The following BACH2 variants were observed in gnomAD, a reference collection of about 807,000 sequenced individuals.
BACH2 encodes the protein BACH transcriptional regulator 2, also known as transcription regulator protein BACH2.
Under a neutral mutation model 61.8 loss-of-function variants are expected in BACH2, and 5 were observed. The ratio of observed to expected loss-of-function variants is 0.08; its 90% CI spans 0.04 to 0.17. BACH2 has a LOEUF of 0.17. BACH2 is among the 10% of genes least tolerant of loss of function. The pLI is 1.00. For missense variants in BACH2, 824 were observed against 1,091.1 expected (o/e 0.76, Z 3.45); for synonymous variants, 446 against 440.1 (o/e 1.01, Z -0.17).
At chr6:90,209,541 C>A (rs1769271367) in intron 3 of BACH2, among the ~76,000 whole-genome samples, 1 of 152,220 alleles carries the variant, frequency 6.6e-6, no homozygotes, top group South Asian at 2.1e-4. Context: ...TAGCACTTAA[C>A]TGGAAAGCTT....
chr6:90,241,826 G>C (rs970160882), intron 3 of BACH2, among the ~76,000 whole-genome samples: 3 of 151,484 alleles, frequency 2.0e-5, no homozygotes, highest in Middle Eastern at 3.2e-3. Flanking sequence ...AAAACAACTA[G>C]AGAAATAAGG....
intron 5 of BACH2, among the ~76,000 whole-genome samples, chr6:90,044,748 G>A (rs1779702538): frequency 6.6e-6 from 1 of 152,164 alleles, no homozygotes; most frequent in Non-Finnish European, 1.5e-5. Flanking sequence ...TGGGGTGAGA[G>A]AACGGAAAGA....
chr6:90,234,967 G>T (rs1770211326), intron 3 of BACH2, among the ~76,000 whole-genome samples: 1 of 152,104 alleles, frequency 6.6e-6, no homozygotes, highest in African/African-American at 2.4e-5. Flanking sequence ...CCCTTCCTTT[G>T]TGAAAAGTTG....
At chr6:89,981,977 C>CT (rs1053227520) in intron 6 of BACH2, among the ~76,000 whole-genome samples, 32 of 147,850 alleles carry the variant, frequency 2.2e-4, no homozygotes, top group South Asian at 4.3e-4. Flanking sequence ...AGATTTCTTT[C>CT]TTTTTTTTTT....
chr6:89,943,341 C>G (rs923010563), intron 7 of BACH2, among the ~76,000 whole-genome samples: 2 of 152,068 alleles, frequency 1.3e-5, no homozygotes, highest in Admixed American at 6.5e-5. Flanking sequence ...CTGCCAACAG[C>G]CACGACCATT....
At chr6:90,116,758 G>T in intron 4 of BACH2, 1 of 447,026 alleles carries the variant, frequency 2.2e-6, no homozygotes, top group Non-Finnish European at 4.2e-6. Flanking sequence ...AAGTCTTCTT[G>T]GTTAAGTAAT....
At chr6:90,040,521 ATT>A (rs555439690) in intron 5 of BACH2, among the ~76,000 whole-genome samples, 2 of 145,456 alleles carry the variant, frequency 1.4e-5, no homozygotes, top group Non-Finnish European at 1.5e-5. Context: ...GCTATTTTTG[ATT>A]TTTTTTTTTT....
intron 6 of BACH2, among the ~76,000 whole-genome samples, chr6:89,985,972 G>A (rs765430185): frequency 8.5e-5 from 13 of 152,198 alleles, no homozygotes; most frequent in South Asian, 8.3e-4. Context: ...GGAGGGATGC[G>A]GGTGTGGGCT....
At chr6:89,948,507 C>T (rs1189435708) in intron 7 of BACH2, among the ~76,000 whole-genome samples, 1 of 152,160 alleles carries the variant, frequency 6.6e-6, no homozygotes, top group Non-Finnish European at 1.5e-5. Context: ...CATGCCCGGC[C>T]CCAGGCTCCT....
At chr6:90,264,741 C>A (rs1771270095) in intron 2 of BACH2, among the ~76,000 whole-genome samples, 1 of 152,144 alleles carries the variant, frequency 6.6e-6, no homozygotes, top group South Asian at 2.1e-4. Context: ...AGAAAGCTGT[C>A]CCTTTGGGGT....
intron 4 of BACH2, among the ~76,000 whole-genome samples, chr6:90,183,827 A>C (rs1421711464): frequency 1.3e-5 from 2 of 152,232 alleles, no homozygotes; most frequent in Non-Finnish European, 2.9e-5. Context: ...CCAGGACTTC[A>C]TATCAGCCAT....
chr6:89,932,218 G>T lies in BACH2; in HGVS notation c.*190C>A. 1 of 759,218 alleles carries T rather than the reference G, an allele frequency of 1.3e-6. No homozygotes were observed. The highest frequency in any genetic ancestry group is 2.1e-6 in the Non-Finnish European group (1 of 468,570). 47.0% of individuals were successfully genotyped at this position (759,218 alleles called of 1,614,324 possible). A position where few individuals can be genotyped will look rare whatever the true frequency, so the allele number is the denominator to read the frequency against. On this transcript the variant is annotated 3_prime_UTR_variant, in exon 9 of 9. Transcript: ENST00000257749. ...TGCCTGGGCAAGGGGTAGCACCATT[G>T]TGAAGGTAACTATCACTCCTGCTCG...
chr6:90,148,400 C>T (rs1393895339), intron 4 of BACH2, among the ~76,000 whole-genome samples: 4 of 152,164 alleles, frequency 2.6e-5, no homozygotes, highest in South Asian at 2.1e-4. Flanking sequence ...GCATGCCTTT[C>T]GATCTGGTAA....
At chr6:89,993,333 A>G (rs1360371454) in intron 6 of BACH2, among the ~76,000 whole-genome samples, 1 of 152,172 alleles carries the variant, frequency 6.6e-6, no homozygotes, top group East Asian at 1.9e-4. Context: ...TTGTCTCCCA[A>G]GATATCACTT....
At chr6:90,170,736 A>C (rs1012100311) in intron 4 of BACH2, among the ~76,000 whole-genome samples, 1 of 152,226 alleles carries the variant, frequency 6.6e-6, no homozygotes, top group African/African-American at 2.4e-5. Flanking sequence ...GAAATGTTTC[A>C]ACTTTCAAAT....
intron 4 of BACH2, among the ~76,000 whole-genome samples, chr6:90,132,626 C>T (rs919368007): frequency 2.2e-4 from 33 of 152,322 alleles, no homozygotes; most frequent in African/African-American, 7.2e-4. Context: ...CCACCCCTAC[C>T]GTGGCTACAC....
intron 4 of BACH2, among the ~76,000 whole-genome samples, chr6:90,100,354 A>G (rs1288078548): frequency 2.0e-5 from 3 of 152,194 alleles, no homozygotes; most frequent in Non-Finnish European, 4.4e-5. Flanking sequence ...CTAAGTCACC[A>G]TACCAAGACT....
chr6:90,003,031 G>A (rs1015842620), intron 6 of BACH2, among the ~76,000 whole-genome samples: 1 of 152,208 alleles, frequency 6.6e-6, no homozygotes, highest in African/African-American at 2.4e-5. Flanking sequence ...TCACCCTGGT[G>A]TAGGCCATCA....
At chr6:89,995,079 G>T (rs937039340) in intron 6 of BACH2, among the ~76,000 whole-genome samples, 2 of 152,098 alleles carry the variant, frequency 1.3e-5, no homozygotes, top group Non-Finnish European at 2.9e-5. Context: ...CTTTATAACT[G>T]GTTTGTGTAA....
Sources: allele counts gnomAD v4.1 joint callset (sites outside exome capture counted in the v4.1 genomes callset), GRCh38; gene constraint gnomAD v4.1.1; transcripts MANE v1.5; gene names NCBI Gene and HGNC (gene_info 2026-07-23, HGNC 2026-07-21).